CDH18: variants seen among roughly 807,000 people sequenced by gnomAD.
The protein encoded by CDH18 is cadherin 18.
Under a neutral mutation model 67.9 loss-of-function variants are expected in CDH18, and 31 were observed. That is an observed-to-expected ratio of 0.46 (90% CI 0.34 to 0.62). The LOEUF (loss-of-function observed/expected upper bound fraction) is 0.62. CDH18 is among the 20% of genes least tolerant of loss of function. The pLI is 0.01. For synonymous variants in CDH18, 362 were observed against 347.2 expected (o/e 1.04, Z -0.48); for missense variants, 890 against 975.5 (o/e 0.91, Z 1.17).
chr5:19,929,748 T>C (rs1793475652), intron 2 of CDH18, among the ~76,000 whole-genome samples: 1 of 152,070 alleles, frequency 6.6e-6, no homozygotes, highest in African/African-American at 2.4e-5. Flanking sequence ...CCATCTTAAG[T>C]TGATTTTTGT....
chr5:20,283,560 G>C lies in CDH18; in HGVS notation c.-579-28055C>G, dbSNP rs564988306. On this transcript the variant is annotated intron_variant, in intron 1 of 14. Transcript: ENST00000507958. ...AAAAAACTGCAATTAAATATCATTT[G>C]ACCCTGTTTAAATGGCTTTTATCCA... is the stretch of plus-strand genomic sequence containing the variant. 1.3e-4 allele frequency among the ~76,000 whole-genome samples: 20 copies of C among 151,970 alleles called. No individual in the cohort carries two copies. The East Asian group carries it at 3.9e-3, about 29-fold the overall frequency.
intron 2 of CDH18, among the ~76,000 whole-genome samples, chr5:20,094,816 A>G (rs1745739040): frequency 6.6e-6 from 1 of 152,158 alleles, no homozygotes; most frequent in South Asian, 2.1e-4. Flanking sequence ...TATATACCCA[A>G]AGGATTATAA....
chr5:19,508,441 G>A (rs997161991), intron 10 of CDH18, among the ~76,000 whole-genome samples: 1 of 151,770 alleles, frequency 6.6e-6, no homozygotes. Context: ...TGATTCATGT[G>A]TCTTCTAATT....
intron 2 of CDH18, among the ~76,000 whole-genome samples, chr5:20,248,452 AGCACAAATTCTCCTT>A (rs1003842942): frequency 1.5e-4 from 23 of 152,366 alleles, no homozygotes; most frequent in South Asian, 8.3e-4. Context: ...CCAAGACACA[AGCACAAATTCTCCTT>A]GCCATGGACC....
At chr5:19,708,784 T>C (rs1391506963) in intron 5 of CDH18, among the ~76,000 whole-genome samples, 1 of 152,164 alleles carries the variant, frequency 6.6e-6, no homozygotes, top group African/African-American at 2.4e-5. Context: ...ATCACTGGCT[T>C]GCTGTCAGTA....
chr5:20,185,455 C>T (rs926403237), intron 2 of CDH18, among the ~76,000 whole-genome samples: 6 of 152,018 alleles, frequency 3.9e-5, no homozygotes, highest in Non-Finnish European at 8.8e-5. Flanking sequence ...AGAATAAAGT[C>T]CTTAGACTGT....
intron 1 of CDH18, among the ~76,000 whole-genome samples, chr5:20,344,791 G>A (rs576424333): frequency 6.9e-6 from 1 of 145,972 alleles, no homozygotes; most frequent in East Asian, 1.9e-4. Context: ...AGCTCAGAAG[G>A]ACACAAAAAA....
chr5:20,381,626 A>G (rs1284947853), intron 1 of CDH18, among the ~76,000 whole-genome samples: 1 of 152,188 alleles, frequency 6.6e-6, no homozygotes, highest in Non-Finnish European at 1.5e-5. Flanking sequence ...ATGTGTGCTC[A>G]GTCTTAGAAA....
intron 2 of CDH18, among the ~76,000 whole-genome samples, chr5:20,024,931 A>ATCACTCACTGACCTGCATT (rs1201093555): frequency 7.2e-4 from 110 of 152,264 alleles, no homozygotes; most frequent in African/African-American, 2.6e-3. Context: ...AGACAGCAAC[A>ATCACTCACTGACCTGCATT]TCACTCACTG....
chr5:20,565,262 G>T (rs1435674662), intron 1 of CDH18, among the ~76,000 whole-genome samples: 2 of 146,994 alleles, frequency 1.4e-5, no homozygotes, highest in East Asian at 2.0e-4. Context: ...CTCAAGTCAG[G>T]TTTCTGATCA....
chr5:20,340,649 C>A (rs1007454885), intron 1 of CDH18, among the ~76,000 whole-genome samples: 17 of 152,088 alleles, frequency 1.1e-4, no homozygotes, highest in Non-Finnish European at 1.9e-4. Context: ...AACTCCACAG[C>A]TCCAATGGCT....
At chr5:20,055,990 C>CTTTTTTT (rs34736791) in intron 2 of CDH18, among the ~76,000 whole-genome samples, 9 of 73,790 alleles carry the variant, frequency 1.2e-4, no homozygotes, top group Non-Finnish European at 2.4e-4. Flanking sequence ...TTTTGGTTTC[C>CTTTTTTT]TTTTTTTTTT....
At chr5:20,345,925 A>G (rs1445374288) in intron 1 of CDH18, among the ~76,000 whole-genome samples, 1 of 152,212 alleles carries the variant, frequency 6.6e-6, no homozygotes, top group Non-Finnish European at 1.5e-5. Flanking sequence ...CAAATTATGC[A>G]TGTAGTAAAG....
chr5:19,473,407 G>C lies in CDH18; in HGVS notation c.2192C>G (p.Pro731Arg). The C allele has an allele frequency of 6.2e-7, 1 of 1,613,770 alleles. No homozygotes were observed. The highest frequency in any genetic ancestry group is 8.5e-7 in the Non-Finnish European group (1 of 1,179,826). The change falls in exon 13 of 13, where the codon CCT becomes CGT. Residue 731 changes from proline (P) to arginine (R), a missense_variant. Coordinates refer to ENST00000382275, the MANE Select transcript of CDH18 (RefSeq NM_004934.5). ...AEADLDPSVP[P>R]YDSLQTYAYE... Reference sequence around the variant, plus strand: ...GGCATAAGTCTGAAGAGAGTCATAAGGGGGAACGCTAGGGTCTAGGTCTGC... The same window carrying C: ...GGCATAAGTCTGAAGAGAGTCATAACGGGGAACGCTAGGGTCTAGGTCTGC...
chr5:19,573,668 C>G (rs1050243886), intron 7 of CDH18, among the ~76,000 whole-genome samples: 1 of 152,104 alleles, frequency 6.6e-6, no homozygotes, highest in African/African-American at 2.4e-5. Context: ...GAGAATTTGC[C>G]TATGACTAAT....
intron 2 of CDH18, among the ~76,000 whole-genome samples, chr5:19,861,405 G>A (rs1293937019): frequency 6.6e-6 from 1 of 152,120 alleles, no homozygotes; most frequent in African/African-American, 2.4e-5. Context: ...AGAGGGGGCT[G>A]TGTAAGAAGA....
In CDH18 at chr5:20,233,639, C is replaced by T. The variant is rs573484508; in HGVS notation, c.-518+21805G>A. 7.2e-5 allele frequency among the ~76,000 whole-genome samples: 11 copies of T among 151,736 alleles called. No homozygotes were observed. In the South Asian group the frequency reaches 1.7e-3, roughly 23 times the overall value. On this transcript the variant is annotated intron_variant, in intron 2 of 14. Transcript: ENST00000507958. ...ATATACATATACACACACAGACATG[C>T]GTGTGTGTGTGTTTGCATGTGTATT...
chr5:20,200,262 G>A (rs1262897191), intron 2 of CDH18, among the ~76,000 whole-genome samples: 2 of 152,164 alleles, frequency 1.3e-5, no homozygotes, highest in Non-Finnish European at 2.9e-5. Flanking sequence ...ACTAGTGATA[G>A]AACACCCAGA....
intron 2 of CDH18, among the ~76,000 whole-genome samples, chr5:20,095,589 G>GAAGAAAGAAAGAAAGAAGAAAGA (rs775835944): frequency 7.1e-6 from 1 of 141,744 alleles, no homozygotes; most frequent in East Asian, 2.2e-4. Context: ...AGGAAGAAAG[G>GAAGAAAGAAAGAAAGAAGAAAGA]AAGAAAGAAG....
Sources: gnomAD v4.1 joint callset for allele counts (sites outside exome capture counted in the v4.1 genomes callset) on GRCh38, gnomAD v4.1.1 for gene constraint, MANE v1.5 for transcripts, NCBI Gene and HGNC (gene_info 2026-07-23, HGNC 2026-07-21) for gene names.